The following BAIAP2 variants were observed in gnomAD, a reference collection of about 807,000 sequenced individuals.
The protein encoded by BAIAP2 is BAR/IMD domain containing adaptor protein 2, also known as BAR/IMD domain-containing adapter protein 2.
A neutral mutation model predicts 63.0 loss-of-function variants in BAIAP2; 18 were observed. The ratio of observed to expected loss-of-function variants is 0.29; its 90% CI spans 0.20 to 0.42. The LOEUF (loss-of-function observed/expected upper bound fraction) is 0.42. Ranked by LOEUF, BAIAP2 falls within the 10% of genes least tolerant of loss-of-function variation. The pLI, the probability that BAIAP2 is intolerant of heterozygous loss-of-function variation, is 1.00. For missense variants in BAIAP2, 610 were observed against 734.3 expected, an observed-to-expected ratio of 0.83 and a Z score of 1.96; for synonymous variants, 386 against 307.6, an observed-to-expected ratio of 1.25 and a Z score of -2.67.
At chr17:81,060,981 G>A (rs577644613) in intron 3 of BAIAP2, among the ~76,000 whole-genome samples, 12 of 152,232 alleles carry the variant, frequency 7.9e-5, no homozygotes, top group African/African-American at 1.9e-4. Flanking sequence ...AAAATTAGCC[G>A]GGCGTGGTGG....
intron 3 of BAIAP2, chr17:81,083,163 C>G (rs1025614566): frequency 6.6e-6 from 1 of 152,384 alleles, no homozygotes; most frequent in Non-Finnish European, 1.5e-5. Context: ...GGGCTTCCTG[C>G]GTGTCACCGG....
At chr17:81,089,360 G>A (rs2056311510) in intron 6 of BAIAP2, among the ~76,000 whole-genome samples, 1 of 152,202 alleles carries the variant, frequency 6.6e-6, no homozygotes, top group African/African-American at 2.4e-5. Flanking sequence ...AGCCACAGGG[G>A]GCTGGACCTG....
chr17:81,103,474 C>G (rs992068315), intron 7 of BAIAP2, 28 bp from the exon 8 acceptor site: 2 of 1,538,698 alleles, frequency 1.3e-6, no homozygotes, highest in African/African-American at 1.4e-5. Flanking sequence ...CGGCCCTGAC[C>G]CCTCCCTTCC....
At chr17:81,111,657 C>A (rs536874138) in intron 13 of BAIAP2, among the ~76,000 whole-genome samples, 1 of 152,226 alleles carries the variant, frequency 6.6e-6, no homozygotes, top group Non-Finnish European at 1.5e-5. Context: ...CTCTGGAGTC[C>A]GGGTCTGAGT....
chr17:81,045,169 C>G (rs546845246), intron 1 of BAIAP2, among the ~76,000 whole-genome samples: 1 of 152,306 alleles, frequency 6.6e-6, no homozygotes, highest in African/African-American at 2.4e-5. Flanking sequence ...TCCTTGGGAC[C>G]TCGTTCAGGA....
At chr17:81,095,598 G>C (rs928167419) in intron 6 of BAIAP2, among the ~76,000 whole-genome samples, 4 of 152,200 alleles carry the variant, frequency 2.6e-5, no homozygotes, top group African/African-American at 9.7e-5. Flanking sequence ...GCCATAGCCA[G>C]ATGCTCATGT....
intron 2 of BAIAP2, among the ~76,000 whole-genome samples, chr17:81,055,569 G>GTTGTTTTT: frequency 1.1e-5 from 1 of 94,222 alleles, no homozygotes; most frequent in Middle Eastern, 5.8e-3. Flanking sequence ...TCTGCAGGGT[G>GTTGTTTTT]TTTTGTTTTT....
chr17:81,108,893 G>A (rs1015588366), intron 13 of BAIAP2: 31 of 1,510,484 alleles, frequency 2.1e-5, no homozygotes, highest in Non-Finnish European at 2.3e-5. Context: ...GGCATTGCTC[G>A]GTGCTGGCGG....
chr17:81,054,287 C>T (rs1239665756), intron 2 of BAIAP2, among the ~76,000 whole-genome samples: 5 of 129,496 alleles, frequency 3.9e-5, no homozygotes, highest in African/African-American at 1.2e-4. Flanking sequence ...TGTGCCCTGG[C>T]CCCAAGGGTG....
intron 3 of BAIAP2, among the ~76,000 whole-genome samples, chr17:81,068,374 C>T (rs1568108001): frequency 6.6e-6 from 1 of 152,238 alleles, no homozygotes. Flanking sequence ...AACTGGAGGT[C>T]TGAATGGCTT....
chr17:81,093,543 A>G (rs978815733), intron 6 of BAIAP2, among the ~76,000 whole-genome samples: 2 of 151,994 alleles, frequency 1.3e-5, no homozygotes, highest in African/African-American at 4.8e-5. Flanking sequence ...ATCCCTGGGG[A>G]TGCTGCCTCC....
At chr17:81,055,994 G>A (rs991958995) in intron 2 of BAIAP2, among the ~76,000 whole-genome samples, 6 of 152,174 alleles carry the variant, frequency 3.9e-5, no homozygotes, top group East Asian at 1.9e-4. Flanking sequence ...GAGGGTCGGC[G>A]TGGCCTCCTG....
intron 5 of BAIAP2, 140 bp downstream of exon 5, chr17:81,085,865 T>G: frequency 1.5e-6 from 1 of 677,706 alleles, no homozygotes; most frequent in South Asian, 1.8e-5. Flanking sequence ...CTGACTTTAT[T>G]GTCCATTTGG....
intron 13 of BAIAP2, 88 bp downstream of exon 13, chr17:81,108,597 C>T (rs984008460): frequency 9.1e-6 from 14 of 1,535,884 alleles, no homozygotes; most frequent in African/African-American, 1.4e-5. Flanking sequence ...GACCTGGGGC[C>T]ACCTCTTTTC....
intron 3 of BAIAP2, among the ~76,000 whole-genome samples, chr17:81,067,384 G>GGC (rs1366066288): frequency 6.6e-6 from 1 of 152,228 alleles, no homozygotes; most frequent in Non-Finnish European, 1.5e-5. Context: ...AGGGGAAGGG[G>GGC]GCGGGGGGGC....
At chr17:81,103,749 T>G in intron 8 of BAIAP2, 26 bp downstream of exon 8, 1 of 886,726 alleles carries the variant, frequency 1.1e-6, no homozygotes, top group Non-Finnish European at 1.8e-6. Flanking sequence ...CTGGAAAGCT[T>G]CACGGGTGTG....
intron 3 of BAIAP2, chr17:81,076,525 A>C (rs2053689422): frequency 1.3e-5 from 2 of 152,230 alleles, no homozygotes; most frequent in South Asian, 4.1e-4. Context: ...TCAGGAAGAC[A>C]GATGGTGTGC....
chr17:81,085,241 C>T (rs1041872781), intron 4 of BAIAP2: 8 of 497,824 alleles, frequency 1.6e-5, no homozygotes, highest in Non-Finnish European at 2.6e-5. Context: ...AGAGGCAGAC[C>T]CCACACAACC....
intron 5 of BAIAP2, 137 bp from the exon 6 acceptor site, chr17:81,086,306 C>T (rs1568139662): frequency 1.9e-5 from 21 of 1,085,806 alleles, no homozygotes; most frequent in South Asian, 3.0e-5. Flanking sequence ...GGCCAGAGAG[C>T]GAGCCAGGAA....
Sources: gnomAD v4.1 joint callset for allele counts (sites outside exome capture counted in the v4.1 genomes callset) on GRCh38, gnomAD v4.1.1 for gene constraint, MANE v1.5 for transcripts, NCBI Gene and HGNC (gene_info 2026-07-23, HGNC 2026-07-21) for gene names.